Variants in SLCO1B1 observed in about 807,000 individuals in gnomAD.
SLCO1B1 encodes solute carrier organic anion transporter family member 1B1.
A neutral mutation model predicts 70.1 loss-of-function variants in SLCO1B1; 81 were observed. That is an observed-to-expected ratio of 1.16 (90% CI 0.97 to 1.39). The LOEUF (loss-of-function observed/expected upper bound fraction) is 1.39. SLCO1B1 is among the 40% of genes most tolerant of loss of function. The probability of loss-of-function intolerance (pLI) is 0.00; values close to 1 mark genes in which losing one functional copy is unlikely to be tolerated. For synonymous variants in SLCO1B1, 283 were observed against 271.5 expected (o/e 1.04, Z -0.42); for missense variants, 895 against 799.6 (o/e 1.12, Z -1.44).
intron 7 of SLCO1B1, among the ~76,000 whole-genome samples, chr12:21,179,732 G>T (rs2121110144): frequency 6.6e-6 from 1 of 151,990 alleles, no homozygotes; most frequent in African/African-American, 2.4e-5. Context: ...ATATACATCT[G>T]TATCCAATGT....
chr12:21,199,737 A>G (rs11045858), intron 8 of SLCO1B1, among the ~76,000 whole-genome samples: 18,772 of 152,126 alleles, frequency 0.12, 1,591 homozygotes, highest in Non-Finnish European at 0.18. Flanking sequence ...GTACTAATAA[A>G]TAAGAAACAT....
At chr12:21,208,334 A>G (rs1433336876) in intron 11 of SLCO1B1, among the ~76,000 whole-genome samples, 2 of 152,046 alleles carry the variant, frequency 1.3e-5, no homozygotes, top group Non-Finnish European at 2.9e-5. Context: ...GTCCAGTTTC[A>G]TTTCTCTGCA....
chr12:21,208,629 AT>A (rs1165352260), intron 11 of SLCO1B1, among the ~76,000 whole-genome samples: 1 of 151,990 alleles, frequency 6.6e-6, no homozygotes, highest in Non-Finnish European at 1.5e-5. Flanking sequence ...TTCCTATGGA[AT>A]TTTACAATAG....
chr12:21,150,163 G>A (rs1940450921), intron 2 of SLCO1B1, among the ~76,000 whole-genome samples: 3 of 152,062 alleles, frequency 2.0e-5, no homozygotes, highest in African/African-American at 4.8e-5. Flanking sequence ...CTCTGGGCAG[G>A]GCATCTCTTA....
chr12:21,232,357 C>T (rs150084005), intron 14 of SLCO1B1, among the ~76,000 whole-genome samples: 2 of 152,148 alleles, frequency 1.3e-5, no homozygotes, highest in African/African-American at 4.8e-5. Context: ...TACAAAATTC[C>T]TGTCCTCTAG....
intron 8 of SLCO1B1, among the ~76,000 whole-genome samples, chr12:21,198,882 T>C (rs1221596974): frequency 6.6e-6 from 1 of 152,082 alleles, no homozygotes; most frequent in Non-Finnish European, 1.5e-5. Flanking sequence ...CTGGATGACA[T>C]TGAATTTCTC....
intron 11 of SLCO1B1, among the ~76,000 whole-genome samples, chr12:21,211,901 G>A (rs989154766): frequency 4.0e-5 from 6 of 150,388 alleles, no homozygotes; most frequent in African/African-American, 1.5e-4. Context: ...TGGGATCGGT[G>A]GTGATATCCC....
At chr12:21,154,661 T>C (rs1268257271) in intron 2 of SLCO1B1, among the ~76,000 whole-genome samples, 1 of 152,120 alleles carries the variant, frequency 6.6e-6, no homozygotes, top group Non-Finnish European at 1.5e-5. Flanking sequence ...TTCCTGTTTT[T>C]AGTTTTTTTT....
At chr12:21,172,361 T>C (rs1940766106) in intron 2 of SLCO1B1, among the ~76,000 whole-genome samples, 1 of 152,216 alleles carries the variant, frequency 6.6e-6, no homozygotes, top group African/African-American at 2.4e-5. Flanking sequence ...ATGATGTAGC[T>C]TTCTATAAAT....
intron 11 of SLCO1B1, among the ~76,000 whole-genome samples, chr12:21,214,925 C>T (rs930957706): frequency 2.6e-5 from 4 of 151,950 alleles, no homozygotes; most frequent in Non-Finnish European, 2.9e-5. Context: ...CTTCGGCTCA[C>T]GCACGGTGCG....
intron 12 of SLCO1B1, among the ~76,000 whole-genome samples, chr12:21,220,715 C>G (rs1466639963): frequency 6.6e-6 from 1 of 151,494 alleles, no homozygotes; most frequent in Non-Finnish European, 1.5e-5. Context: ...GTGTCAAGGG[C>G]TGCTGAGAGT....
At chr12:21,235,765 G>C (rs913119986) in intron 14 of SLCO1B1, among the ~76,000 whole-genome samples, 1 of 151,942 alleles carries the variant, frequency 6.6e-6, no homozygotes, top group Non-Finnish European at 1.5e-5. Context: ...AGTGTTTACT[G>C]GTCTGGGAAA....
intron 7 of SLCO1B1, among the ~76,000 whole-genome samples, chr12:21,190,345 TG>T (rs1941015382): frequency 6.6e-6 from 1 of 152,104 alleles, no homozygotes; most frequent in African/African-American, 2.4e-5. Context: ...TCCAGCTTGT[TG>T]GGACTGCTAC....
rs745494878 is a variant in SLCO1B1 at position 21,230,323 on chromosome 12, CTT to C, written c.1865+5506_1865+5507del. ...ATGAGAGAAGTTGCTCTGTAGTATT[CTT>C]TTTTTTTTTTTTTTTTTTTTTGGAG... On this transcript the variant is annotated intron_variant, in intron 14 of 14. Transcript: ENST00000256958. 7.4e-4 allele frequency among the ~76,000 whole-genome samples: 52 copies of C among 70,258 alleles called. No individual in the cohort carries two copies. The South Asian group carries it at 0.019, about 25-fold the overall frequency. The allele number at this position is 70,258 out of a possible 152,430, so 46.1% of individuals were successfully genotyped here.
At chr12:21,231,201 A>G (rs1306774016) in intron 14 of SLCO1B1, among the ~76,000 whole-genome samples, 1 of 151,786 alleles carries the variant, frequency 6.6e-6, no homozygotes, top group Non-Finnish European at 1.5e-5. Context: ...TATGTGCTAC[A>G]TTTTCTTAAT....
chr12:21,183,703 C>A lies in SLCO1B1; in HGVS notation c.727+4683C>A, dbSNP rs187778676. Among the ~76,000 whole-genome samples the A allele has an allele frequency of 8.5e-5, 13 of 152,230 alleles. No individual in the cohort carries two copies. The East Asian group carries it at 2.5e-3, about 29-fold the overall frequency. ...TTCAAAAAGTAAGAATGTACCTTAA[C>A]CTTCAAATGGGTGCATTTGAGCTCT... On this transcript the variant is annotated intron_variant, in intron 7 of 14. Transcript: ENST00000256958.
rs139257324 is a variant in SLCO1B1 at position 21,172,734 on chromosome 12, C to T, written c.169C>T (p.Arg57Trp). 133 of 1,613,220 alleles carry T rather than the reference C, an allele frequency of 8.2e-5. No individual in the cohort carries two copies. Among genetic ancestry groups the T allele is most frequent in the South Asian group, 4.0e-4 (36 of 91,074 alleles). ...IMKSSIIHIE[R>W]RFEISSSLVG... ...GAAAAGTTCCATCATTCATATAGAA[C>T]GGAGATTTGAGATATCCTCTTCTCT... is the stretch of plus-strand genomic sequence containing the variant. The change falls in exon 3 of 15, where the codon CGG becomes TGG. Residue 57 changes from arginine to tryptophan, a missense_variant. Coordinates refer to ENST00000256958, the MANE Select transcript of SLCO1B1 (RefSeq NM_006446.5).
intron 2 of SLCO1B1, among the ~76,000 whole-genome samples, chr12:21,162,640 G>A (rs923948209): frequency 1.8e-4 from 27 of 152,274 alleles, no homozygotes; most frequent in African/African-American, 5.8e-4. Flanking sequence ...AGATAATAAG[G>A]AGATGTATAA....
chr12:21,142,801 C>A (rs1940329907), intron 2 of SLCO1B1, among the ~76,000 whole-genome samples: 2 of 152,038 alleles, frequency 1.3e-5, no homozygotes, highest in Non-Finnish European at 2.9e-5. Flanking sequence ...ATTTCACTGA[C>A]ATGTGCATAG....
Sources: allele counts gnomAD v4.1 joint callset (sites outside exome capture counted in the v4.1 genomes callset), GRCh38; gene constraint gnomAD v4.1.1; transcripts MANE v1.5; gene names NCBI Gene and HGNC (gene_info 2026-07-23, HGNC 2026-07-21).